RTN3: variants seen among roughly 807,000 people sequenced by gnomAD.
The protein encoded by RTN3 is reticulon 3.
RTN3 carries 49 observed loss-of-function variants against 77.8 expected under a neutral mutation model. The observed-to-expected ratio is 0.63, with a 90% confidence interval of 0.50 to 0.80. The LOEUF (loss-of-function observed/expected upper bound fraction) is 0.80. Ranked by LOEUF, RTN3 falls within the 30% of genes least tolerant of loss-of-function variation. The pLI, the probability that RTN3 is intolerant of heterozygous loss-of-function variation, is 0.00. For synonymous variants in RTN3, 464 were observed against 446.9 expected (o/e 1.04, Z -0.48); for missense variants, 1,236 against 1,211.9 (o/e 1.02, Z -0.29).
chr11:63,709,577 C>G (rs1565313213), intron 2 of RTN3, among the ~76,000 whole-genome samples: 1 of 143,966 alleles, frequency 6.9e-6, no homozygotes, highest in Admixed American at 6.9e-5. Context: ...CAGTTACAGC[C>G]TTTTTTTAAA....
intron 1 of RTN3, among the ~76,000 whole-genome samples, chr11:63,701,488 TTCTC>T (rs1329830453): frequency 1.3e-5 from 2 of 152,110 alleles, no homozygotes; most frequent in African/African-American, 2.4e-5. Context: ...AGAGTAAAAT[TTCTC>T]TCTATTTGTG....
Position 63,698,969 on chromosome 11 carries a change from T to C in RTN3, c.143-5882T>C, listed in dbSNP as rs534308394. Among the ~76,000 whole-genome samples, 195 of 152,310 alleles carry C rather than the reference T, an allele frequency of 1.3e-3. 1 individual carries two copies. The highest frequency in any genetic ancestry group is 2.4e-3 in the Non-Finnish European group (164 of 68,006). On this transcript the variant is annotated intron_variant, in intron 1 of 8. Coordinates refer to ENST00000377819, the MANE Select transcript of RTN3 (RefSeq NM_001265589.2). The stretch of plus-strand genomic sequence containing the variant: ...GCCACTTATATATGCCTTAGGCAAC[T>C]TTTTTATATTGAAAGTTAATAATAT...
chr11:63,746,520 G>GTT (rs140379673), intron 3 of RTN3, among the ~76,000 whole-genome samples: 2 of 143,220 alleles, frequency 1.4e-5, no homozygotes, highest in Admixed American at 7.0e-5. Context: ...TTTGTTTTTT[G>GTT]TTTTTTTTTT....
At chr11:63,695,334 G>T (rs1941884173) in intron 1 of RTN3, among the ~76,000 whole-genome samples, 1 of 150,490 alleles carries the variant, frequency 6.6e-6, no homozygotes, top group South Asian at 2.1e-4. Context: ...TCAACTAGTT[G>T]GTCTGTTTTT....
chr11:63,696,555 T>C (rs1002535145), intron 1 of RTN3, among the ~76,000 whole-genome samples: 1 of 146,892 alleles, frequency 6.8e-6, no homozygotes, highest in African/African-American at 2.5e-5. Context: ...TTTTTTTTTT[T>C]TTTTTTTGGA....
Position 63,720,912 on chromosome 11 carries a change from G to C in RTN3, c.2410G>C (p.Gly804Arg). The change falls in exon 3 of 9, where the codon GGG becomes CGG. Residue 804 changes from glycine (G) to arginine (R), a missense_variant. Gly to Arg is a moderately radical substitution (Grantham distance 125). This residue lies in a region of RTN3 where 1,056 missense variants were observed against 990.4 expected (regional missense o/e 1.07). Transcript: ENST00000377819. The stretch of plus-strand genomic sequence containing the variant: ...TAATGTCAAGAATGGATCTGATCTT[G>C]GGATTTCCCAGAAGCCCATCACTAT... ...ERNVKNGSDL[G>R]ISQKPITIRE... 6.2e-7 allele frequency: 1 copy of C among 1,614,044 alleles called. No individual in the cohort carries two copies.
intron 3 of RTN3, among the ~76,000 whole-genome samples, chr11:63,737,587 T>G (rs1455852775): frequency 6.6e-6 from 1 of 152,100 alleles, no homozygotes; most frequent in Admixed American, 6.6e-5. Context: ...TCCAGCCTGC[T>G]CAACAGAATG....
In RTN3 at chr11:63,720,829, A is replaced by T. The variant is rs1457289143; in HGVS notation, c.2327A>T (p.Gln776Leu). 1 of 1,613,918 alleles carries T rather than the reference A, an allele frequency of 6.2e-7. No homozygotes were observed. Among genetic ancestry groups the T allele is most frequent in the African/African-American group, 1.3e-5 (1 of 74,940 alleles). Residue 776 changes from glutamine (Q) to leucine (L), a missense_variant, in exon 3 of 9, where the codon CAA (glutamine) becomes CTA (leucine). By Grantham distance (113) the Gln-to-Leu change is moderately radical (BLOSUM62 -2). Transcript: ENST00000377819. ...TTGCCTTCTGAAGAAGTACTGAAGC[A>T]AACTTTCACATTTGCTCCAGAATCT... ...AELPSEEVLK[Q>L]TFTFAPESWP...
In RTN3 at chr11:63,720,817, A is replaced by C. The variant is rs2011728313; in HGVS notation, c.2315A>C (p.Glu772Ala). ...AQRDAELPSE[E>A]VLKQTFTFAP... The stretch of plus-strand genomic sequence containing the variant: ...CGTGACGCAGAATTGCCTTCTGAAG[A>C]AGTACTGAAGCAAACTTTCACATTT... Residue 772 changes from glutamate (E) to alanine (A), a missense_variant, in exon 3 of 9, where the codon GAA (glutamate) becomes GCA (alanine). By Grantham distance (107) the Glu-to-Ala change is moderately radical. Transcript: ENST00000377819. The C allele has an allele frequency of 6.2e-7, 1 of 1,613,898 alleles. No individual in the cohort carries two copies. The highest frequency in any genetic ancestry group is 8.5e-7 in the Non-Finnish European group (1 of 1,180,034).
chr11:63,702,296 G>A (rs948823375), intron 1 of RTN3, among the ~76,000 whole-genome samples: 8 of 150,746 alleles, frequency 5.3e-5, no homozygotes, highest in Admixed American at 5.3e-4. Flanking sequence ...TTTTGGTTTT[G>A]GTTTTTTTTG....
At chr11:63,683,727 T>A (rs1346808727) in intron 1 of RTN3, among the ~76,000 whole-genome samples, 1 of 152,174 alleles carries the variant, frequency 6.6e-6, no homozygotes, top group Non-Finnish European at 1.5e-5. Flanking sequence ...TTTTTTTATG[T>A]CATCTACCCT....
chr11:63,728,788 G>A (rs1209078065), intron 3 of RTN3, among the ~76,000 whole-genome samples: 1 of 151,706 alleles, frequency 6.6e-6, no homozygotes, highest in African/African-American at 2.4e-5. Context: ...CCAGGAGGCT[G>A]AGGCAAGAGA....
chr11:63,735,550 T>TTCTCCCTCTCTC (rs2013034774), intron 3 of RTN3, among the ~76,000 whole-genome samples: 7 of 42,686 alleles, frequency 1.6e-4, no homozygotes, highest in East Asian at 6.5e-4. Context: ...ATTCTAACAT[T>TTCTCCCTCTCTC]TCTCTCTCTC....
intron 3 of RTN3, among the ~76,000 whole-genome samples, chr11:63,745,778 A>C (rs757386614): frequency 8.5e-5 from 13 of 152,192 alleles, no homozygotes; most frequent in Non-Finnish European, 5.9e-5. Flanking sequence ...GATGGCAGTA[A>C]CACGCATGAA....
chr11:63,736,401 A>G (rs1407690042), intron 3 of RTN3, among the ~76,000 whole-genome samples: 2 of 152,186 alleles, frequency 1.3e-5, no homozygotes, highest in Non-Finnish European at 1.5e-5. Context: ...AAAAAATAAT[A>G]TAAAGGCCAG....
intron 3 of RTN3, among the ~76,000 whole-genome samples, chr11:63,747,729 C>T (rs908444047): frequency 2.6e-5 from 4 of 152,168 alleles, no homozygotes; most frequent in Non-Finnish European, 4.4e-5. Context: ...TTCATTTTAT[C>T]GCAAATAAGT....
chr11:63,685,234 C>G (rs553482319), intron 1 of RTN3, among the ~76,000 whole-genome samples: 1 of 151,920 alleles, frequency 6.6e-6, no homozygotes, highest in Non-Finnish European at 1.5e-5. Flanking sequence ...CTTGCTCACT[C>G]CTGTAATCCC....
At position 63,752,608 on chromosome 11, in the gene RTN3, G is replaced by T. The variant is rs148694827; in HGVS notation, c.2840G>T (p.Arg947Leu). Residue 947 changes from arginine (R) to leucine (L), a missense_variant, in exon 5 of 9, where the codon CGT (arginine) becomes CTT (leucine). Physicochemically the swap from Arg to Leu is moderately radical, Grantham distance 102. Around this residue, in one of 3 missense-constraint regions of RTN3, gnomAD observed 141 missense variants for 154.9 expected, o/e 0.91. Transcript: ENST00000377819. Reference sequence around the variant, plus strand: ...AACAGGGCCCTGAAACTCATTATTCGTCTCTTTCTGGTAGAAGATCTGGTT... The same window carrying T: ...AACAGGGCCCTGAAACTCATTATTCTTCTCTTTCTGGTAGAAGATCTGGTT... Reference protein sequence around the residue: ...HINRALKLIIRLFLVEDLVDS... With the variant: ...HINRALKLIILLFLVEDLVDS... 2 of 1,613,872 alleles carry T rather than the reference G, an allele frequency of 1.2e-6. No homozygotes were observed. The highest frequency in any genetic ancestry group is 2.2e-5 in the South Asian group (2 of 91,054).
rs501095 is a variant in RTN3, at chr11:63,746,463, T to G, written c.2531-3528T>G. ...GTGTGTTTCCATTGAACAAAACATC[T>G]TTGTTTTACGTAACCAACGAAAGTT... On this transcript the variant is annotated intron_variant, in intron 3 of 8. Coordinates refer to ENST00000377819, the MANE Select transcript of RTN3 (RefSeq NM_001265589.2). Among the ~76,000 whole-genome samples the G allele has an allele frequency of 6.6e-3, 1,005 of 152,326 alleles. 11 individuals are homozygous for G. Among genetic ancestry groups the G allele is most frequent in the African/African-American group, 0.023 (951 of 41,574 alleles).
Sources: gnomAD v4.1 joint callset for allele counts (sites outside exome capture counted in the v4.1 genomes callset) on GRCh38, gnomAD v4.1.1 for gene constraint, gnomAD v4.1.1 regional missense constraint, MANE v1.5 for transcripts, NCBI Gene and HGNC (gene_info 2026-07-23, HGNC 2026-07-21) for gene names.